Variants in KSR2 observed in about 807,000 individuals in gnomAD.
KSR2 encodes the protein kinase suppressor of ras 2.
Under a neutral mutation model 107.8 loss-of-function variants are expected in KSR2, and 25 were observed. The ratio of observed to expected loss-of-function variants is 0.23; its 90% confidence interval spans 0.17 to 0.32. The LOEUF is 0.32. KSR2 is among the 10% of genes least tolerant of loss of function. The pLI, the probability that KSR2 is intolerant of heterozygous loss-of-function variation, is 1.00. For missense variants in KSR2, 887 were observed against 1,268.9 expected, an observed-to-expected ratio of 0.70 and a Z score of 4.57; for synonymous variants, 480 against 507.0, an observed-to-expected ratio of 0.95 and a Z score of 0.71.
At chr12:117,509,724 G>T (rs1873914017) in intron 14 of KSR2, among the ~76,000 whole-genome samples, 1 of 152,176 alleles carries the variant, frequency 6.6e-6, no homozygotes. Flanking sequence ...CAGCCTTGGA[G>T]GGACTGGTCT....
intron 3 of KSR2, among the ~76,000 whole-genome samples, chr12:117,796,436 C>T (rs1394580003): frequency 6.6e-6 from 1 of 152,222 alleles, no homozygotes; most frequent in Non-Finnish European, 1.5e-5. Flanking sequence ...ATCAGCATCA[C>T]GTTAGACAAA....
rs150167580 is a variant in KSR2, at chr12:117,777,405, G to T, written c.473-15881C>A. On this transcript the variant is annotated intron_variant, in intron 3 of 19. Transcript: ENST00000339824. Reference sequence around the variant, plus strand: ...GTACAAACAAAATGTGAAAAACTTAGCATTCAGTTTAAGACCACAGAAAGG... The same window carrying T: ...GTACAAACAAAATGTGAAAAACTTATCATTCAGTTTAAGACCACAGAAAGG... Among the ~76,000 whole-genome samples, 591 of 152,114 alleles carry T rather than the reference G, an allele frequency of 3.9e-3. 2 individuals carry two copies. Among genetic ancestry groups the T allele is most frequent in the African/African-American group, 0.013 (546 of 41,494 alleles).
chr12:117,630,653 G>T (rs529663097), intron 5 of KSR2, among the ~76,000 whole-genome samples: 3 of 152,264 alleles, frequency 2.0e-5, no homozygotes, highest in African/African-American at 7.2e-5. Context: ...GGGCGGTGGT[G>T]ATGGTTCTGA....
At chr12:117,610,025 A>T (rs772335672) in intron 5 of KSR2, among the ~76,000 whole-genome samples, 10 of 152,180 alleles carry the variant, frequency 6.6e-5, no homozygotes, top group Non-Finnish European at 1.5e-4. Context: ...ACAGGGACGC[A>T]TGCATGACTC....
chr12:117,592,724 C>T (rs1364188237), intron 5 of KSR2, among the ~76,000 whole-genome samples: 1 of 152,138 alleles, frequency 6.6e-6, no homozygotes, highest in Non-Finnish European at 1.5e-5. Context: ...ACCTTGTAAC[C>T]AAACAATGGG....
intron 3 of KSR2, among the ~76,000 whole-genome samples, chr12:117,795,705 T>C (rs763104465): frequency 6.6e-6 from 1 of 152,124 alleles, no homozygotes; most frequent in African/African-American, 2.4e-5. Context: ...CATAGCTTAC[T>C]GCAGCCTTGA....
At chr12:117,489,238 C>T (rs973547966) in intron 14 of KSR2, among the ~76,000 whole-genome samples, 10 of 151,958 alleles carry the variant, frequency 6.6e-5, no homozygotes, top group African/African-American at 2.2e-4. Context: ...TTGATTTGGG[C>T]GCTGGTTACA....
Position 117,672,103 on chromosome 12 carries a change from G to C in KSR2, c.987-4445C>G, listed in dbSNP as rs116582802. The stretch of plus-strand genomic sequence containing the variant: ...GCCTCCAGTTATAGCAGCACATACT[G>C]GCGGACTCTTTCCTGCCCATGGTCA... On this transcript the variant is annotated intron_variant, in intron 4 of 19. Transcript: ENST00000339824. 2.2e-3 allele frequency among the ~76,000 whole-genome samples: 333 copies of C among 152,280 alleles called. 3 individuals carry two copies. The highest frequency in any genetic ancestry group is 7.6e-3 in the African/African-American group (314 of 41,538).
intron 4 of KSR2, among the ~76,000 whole-genome samples, chr12:117,678,876 C>G (rs575233486): frequency 7.9e-5 from 12 of 152,248 alleles, no homozygotes; most frequent in Admixed American, 3.9e-4. Context: ...GGCCTGTCTC[C>G]TCATTTCTCA....
intron 3 of KSR2, among the ~76,000 whole-genome samples, chr12:117,802,834 C>G (rs1890880241): frequency 6.6e-6 from 1 of 152,168 alleles, no homozygotes. Context: ...GACTCCCAGC[C>G]CCGGCTCTGA....
chr12:117,760,297 G>C (rs148424551), intron 4 of KSR2, among the ~76,000 whole-genome samples: 1 of 152,264 alleles, frequency 6.6e-6, no homozygotes, highest in Non-Finnish European at 1.5e-5. Context: ...CTCCCCCAAA[G>C]GGGTCCTCTG....
At chr12:117,785,170 T>C (rs552921680) in intron 3 of KSR2, among the ~76,000 whole-genome samples, 3 of 152,210 alleles carry the variant, frequency 2.0e-5, no homozygotes, top group Admixed American at 2.0e-4. Context: ...ATCCCAGCCC[T>C]TTGGGAGGCC....
At chr12:117,511,232 G>A (rs1874004867) in intron 14 of KSR2, among the ~76,000 whole-genome samples, 1 of 152,140 alleles carries the variant, frequency 6.6e-6, no homozygotes, top group Non-Finnish European at 1.5e-5. Context: ...CACAAGGCCA[G>A]GCACTGGCGG....
intron 3 of KSR2, among the ~76,000 whole-genome samples, chr12:117,846,064 C>G (rs1892694736): frequency 1.3e-5 from 2 of 151,686 alleles, no homozygotes; most frequent in Non-Finnish European, 1.5e-5. Context: ...TCCTAACAAA[C>G]AGCCTGCCCT....
At chr12:117,623,579 A>T (rs935762169) in intron 5 of KSR2, among the ~76,000 whole-genome samples, 8 of 152,202 alleles carry the variant, frequency 5.3e-5, no homozygotes, top group African/African-American at 1.9e-4. Flanking sequence ...TTATGGCTGC[A>T]TAGTATTCCA....
intron 17 of KSR2, 51 bp from the exon 18 acceptor site, chr12:117,471,371 C>A: frequency 1.3e-6 from 2 of 1,580,324 alleles, no homozygotes; most frequent in Non-Finnish European, 1.7e-6. Context: ...TCACTTGCAA[C>A]CTTGTACCTC....
At chr12:117,703,345 G>C (rs55921288) in intron 4 of KSR2, among the ~76,000 whole-genome samples, 31,736 of 152,020 alleles carry the variant, frequency 0.21, 3,615 homozygotes, top group African/African-American at 0.29. Flanking sequence ...GAGGTGCCTA[G>C]GATACTAAAT....
At chr12:117,745,318 C>G (rs1224481266) in intron 4 of KSR2, among the ~76,000 whole-genome samples, 2 of 151,996 alleles carry the variant, frequency 1.3e-5, no homozygotes, top group Non-Finnish European at 2.9e-5. Context: ...AAAGCACAGG[C>G]AACAAAAGCA....
At chr12:117,716,501 G>A (rs1011680585) in intron 4 of KSR2, among the ~76,000 whole-genome samples, 1 of 152,190 alleles carries the variant, frequency 6.6e-6, no homozygotes, top group African/African-American at 2.4e-5. Flanking sequence ...AAGTGTTTAA[G>A]TTGATTACTT....
Sources: gnomAD v4.1 joint callset for allele counts (sites outside exome capture counted in the v4.1 genomes callset) on GRCh38, gnomAD v4.1.1 for gene constraint, MANE v1.5 for transcripts, NCBI Gene and HGNC (gene_info 2026-07-23, HGNC 2026-07-21) for gene names.